KIF13B: variants seen among roughly 807,000 people sequenced by gnomAD.
The protein encoded by KIF13B is kinesin-like protein KIF13B.
KIF13B carries 127 observed loss-of-function variants against 222.0 expected under a neutral mutation model. That is an observed-to-expected ratio of 0.57 (90% CI 0.50 to 0.66). The LOEUF is 0.66. Ranked by LOEUF, KIF13B falls within the 30% of genes least tolerant of loss-of-function variation. The pLI is 0.00. For synonymous variants in KIF13B, 976 were observed against 919.0 expected (o/e 1.06, Z -1.12); for missense variants, 2,173 against 2,379.0 (o/e 0.91, Z 1.80).
chr8:29,103,934 G>A (rs184972623), intron 35 of KIF13B, among the ~76,000 whole-genome samples: 9 of 152,198 alleles, frequency 5.9e-5, no homozygotes, highest in Non-Finnish European at 2.9e-5. Context: ...AGCCCTGCAC[G>A]GAAGGCACCT....
chr8:29,109,622 T>C lies in KIF13B; in HGVS notation c.4084-111A>G, dbSNP rs963663644. ...CCATCTATACAGACATTCCTAGCTA[T>C]TTAAACAATGCTGTTACGTGATTAT... is the stretch of plus-strand genomic sequence containing the variant. On this transcript the variant is annotated intron_variant, in intron 33 of 39. Coordinates refer to ENST00000524189, the MANE Select transcript of KIF13B (RefSeq NM_015254.4). The C allele has an allele frequency of 1.1e-5, 10 of 894,110 alleles. No homozygotes were observed. The Admixed American group carries it at 1.8e-4, about 16-fold the overall frequency. 55.4% of individuals were successfully genotyped at this position (894,110 alleles called of 1,614,324 possible).
chr8:29,256,190 A>G (rs996176838), intron 1 of KIF13B, among the ~76,000 whole-genome samples: 1 of 152,214 alleles, frequency 6.6e-6, no homozygotes, highest in Admixed American at 6.5e-5. Flanking sequence ...GACTGAGACT[A>G]GAACTCATCA....
At chr8:29,080,673 AACCTGATC>A (rs1305842524) in intron 37 of KIF13B, among the ~76,000 whole-genome samples, 3 of 152,164 alleles carry the variant, frequency 2.0e-5, no homozygotes, top group Non-Finnish European at 4.4e-5. Context: ...TTTGTGTAAA[AACCTGATC>A]ACCTCTGGGC....
At chr8:29,160,633 C>T in intron 13 of KIF13B, 100 bp downstream of exon 13, 4 of 1,079,280 alleles carry the variant, frequency 3.7e-6, no homozygotes, top group Non-Finnish European at 5.1e-6. Flanking sequence ...TAACTTTTTG[C>T]TGTTTTCTGA....
chr8:29,130,404 G>T (rs1810293030), intron 24 of KIF13B, 129 bp downstream of exon 24: 1 of 977,426 alleles, frequency 1.0e-6, no homozygotes, highest in East Asian at 2.4e-5. Flanking sequence ...TGAGATAGGA[G>T]AATTTTAATG....
Position 29,147,480 on chromosome 8 carries a change from G to A in KIF13B, c.1936C>T (p.Pro646Ser), listed in dbSNP as rs1451286934. 1.9e-6 allele frequency: 3 copies of A among 1,613,420 alleles called. No homozygotes were observed. In the South Asian group the frequency reaches 3.3e-5, roughly 18 times the overall value. ...ATGCTCCGGCAGTTCTGCTTCTCAG[G>A]AGACAGCCTTCTCCGGAGCTGCTCC... ...ELEQLRRRLS[P>S]EKQNCRSMDR... Residue 646 changes from proline (P) to serine (S), a missense_variant, in exon 17 of 40, where the codon CCT becomes TCT. Pro to Ser is a moderately conservative substitution (Grantham distance 74). This residue lies in a region of KIF13B where 1,480 missense variants were observed against 1,722.8 expected (regional missense o/e 0.86). Transcript: ENST00000524189.
At chr8:29,077,299 C>A (rs1807608748) in intron 37 of KIF13B, among the ~76,000 whole-genome samples, 1 of 152,206 alleles carries the variant, frequency 6.6e-6, no homozygotes, top group South Asian at 2.1e-4. Flanking sequence ...CACGGCCCCG[C>A]CTACCGCCAT....
intron 2 of KIF13B, among the ~76,000 whole-genome samples, chr8:29,219,853 AG>A (rs1814663370): frequency 6.6e-6 from 1 of 152,232 alleles, no homozygotes; most frequent in Admixed American, 6.5e-5. Context: ...GCTTGAACCC[AG>A]GAATTCAAGA....
At position 29,193,827 on chromosome 8, in the gene KIF13B, C is replaced by CT. The variant is rs571311519; in HGVS notation, c.162+2359dup. ...TACTGTACTGCTTTTTACATTTTTA[C>CT]TTTTTTTTGAGACGGAGTCTCGCTC... On this transcript the variant is annotated intron_variant, in intron 3 of 39. Transcript: ENST00000524189. Among the ~76,000 whole-genome samples, 9 of 152,046 alleles carry CT rather than the reference C, an allele frequency of 5.9e-5. No individual in the cohort carries two copies. The East Asian group carries it at 1.2e-3, about 20-fold the overall frequency.
chr8:29,124,071 C>T lies in KIF13B; in HGVS notation c.3305G>A (p.Arg1102His), dbSNP rs778060352. 13 of 1,613,218 alleles carry T rather than the reference C, an allele frequency of 8.1e-6. No individual in the cohort carries two copies. Among genetic ancestry groups the T allele is most frequent in the East Asian group, 2.2e-5 (1 of 44,886 alleles). Residue 1102 changes from arginine to histidine, a missense_variant, in exon 27 of 40, where the codon CGT (arginine) becomes CAT (histidine). Around this residue, in one of 2 missense-constraint regions of KIF13B, gnomAD observed 1,480 missense variants for 1,722.8 expected, o/e 0.86. Transcript: ENST00000524189. ...RRKWLNALTK[R>H]QEYLDQQLQK... is the part of the protein sequence containing the mutation. ...CAATTGTTGATCCAAGTACTCCTGA[C>T]GTTTTGTTAATGCATTTAGCCATTT...
chr8:29,077,384 C>T (rs933738217), intron 37 of KIF13B, among the ~76,000 whole-genome samples: 2 of 152,242 alleles, frequency 1.3e-5, no homozygotes, highest in Admixed American at 1.3e-4. Context: ...GGGCTCGTAT[C>T]TTCATTTTTC....
intron 14 of KIF13B, 138 bp downstream of exon 14, chr8:29,155,588 T>C (rs1811484277): frequency 3.0e-6 from 2 of 667,334 alleles, no homozygotes; most frequent in Non-Finnish European, 5.1e-6. Context: ...GCATTAAAGC[T>C]AAATGTAAGG....
chr8:29,132,016 G>C (rs1461393324), intron 23 of KIF13B, among the ~76,000 whole-genome samples: 1 of 152,158 alleles, frequency 6.6e-6, no homozygotes, highest in Non-Finnish European at 1.5e-5. Flanking sequence ...GGAGGGTGAG[G>C]TGGGCAGATC....
At chr8:29,108,066 T>G in intron 35 of KIF13B, 73 bp downstream of exon 35, 76 of 1,322,140 alleles carry the variant, frequency 5.7e-5, no homozygotes, top group Non-Finnish European at 7.7e-5. Flanking sequence ...AAAAATAACC[T>G]GAGATTTGAG....
intron 2 of KIF13B, among the ~76,000 whole-genome samples, chr8:29,222,464 A>C (rs1814796678): frequency 6.7e-6 from 1 of 148,980 alleles, no homozygotes; most frequent in Non-Finnish European, 1.5e-5. Context: ...GTAGTAGTAA[A>C]ATCATAGCCC....
In KIF13B at chr8:29,110,011, G is replaced by A. The variant is rs1169971218; in HGVS notation, c.3990C>T (p.Asn1330=). ...AAGCCTCCGAGTCAGCAGAAGCTGG[G>A]TTTTCAACATTGGCTGCCATTCTTG... ...ALARMAANVE[N]PASADSEAYI... is the part of the protein sequence containing the mutation. Residue 1330 remains asparagine (N), a synonymous_variant, in exon 33 of 40, where the codon AAC becomes AAT. Coordinates refer to ENST00000524189, the MANE Select transcript of KIF13B (RefSeq NM_015254.4). 7 of 1,600,428 alleles carry A rather than the reference G, an allele frequency of 4.4e-6. No homozygotes were observed. In the Admixed American group the frequency reaches 1.2e-4, roughly 28 times the overall value.
At chr8:29,235,740 C>T (rs1815479208) in intron 2 of KIF13B, among the ~76,000 whole-genome samples, 1 of 152,176 alleles carries the variant, frequency 6.6e-6, no homozygotes, top group African/African-American at 2.4e-5. Flanking sequence ...GAGTAGAAAT[C>T]ATAAATGCTC....
intron 2 of KIF13B, among the ~76,000 whole-genome samples, chr8:29,220,509 G>C (rs182644403): frequency 1.3e-3 from 197 of 151,860 alleles, no homozygotes; most frequent in African/African-American, 4.5e-3. Flanking sequence ...CAGCTGGTTT[G>C]TTGACATTCT....
chr8:29,108,116 A>G (rs376433270), intron 35 of KIF13B, 23 bp downstream of exon 35: 165 of 1,594,186 alleles, frequency 1.0e-4, no homozygotes, highest in Non-Finnish European at 3.9e-5. Context: ...TAAAACACTG[A>G]TAGAAATAGT....
Sources: allele counts gnomAD v4.1 joint callset (sites outside exome capture counted in the v4.1 genomes callset), GRCh38; gene constraint gnomAD v4.1.1; regional missense constraint gnomAD v4.1.1; transcripts MANE v1.5; gene names NCBI Gene and HGNC (gene_info 2026-07-23, HGNC 2026-07-21).